IL1R1: variants seen among roughly 807,000 people sequenced by gnomAD.
IL1R1 encodes interleukin-1 receptor type 1.
A neutral mutation model predicts 50.2 loss-of-function variants in IL1R1; 22 were observed. The observed-to-expected ratio is 0.44, with a 90% CI of 0.31 to 0.63. The LOEUF is 0.63. IL1R1 is among the 20% of genes least tolerant of loss of function. IL1R1 has a pLI of 0.07. For missense variants in IL1R1, 509 were observed against 676.2 expected (o/e 0.75, Z 2.74); for synonymous variants, 251 against 236.7 (o/e 1.06, Z -0.55).
Position 102,165,118 on chromosome 2 carries a change from T to A in IL1R1, c.300T>A (p.Asn100Lys). The change falls in exon 5 of 12, where the codon AAT becomes AAA. Residue 100 changes from asparagine to lysine, a missense_variant. By Grantham distance (94) the Asn-to-Lys change is moderately conservative. Transcript: ENST00000410023. The stretch of plus-strand genomic sequence containing the variant: ...TACCTATTTTATTTTATTTTAGAAA[T>A]TCATCTTACTGCCTCAGAATTAAAA... ...DSGHYYCVVR[N>K]SSYCLRIKIS... is the part of the protein sequence containing the mutation. The A allele has an allele frequency of 6.4e-7, 1 of 1,567,804 alleles. No individual in the cohort carries two copies. Among genetic ancestry groups the A allele is most frequent in the African/African-American group, 1.4e-5 (1 of 72,532 alleles).
At position 102,109,200 on chromosome 2, in the gene IL1R1, C is replaced by T. The variant is rs577724071; in HGVS notation, c.-84+4328C>T. On this transcript the variant is annotated intron_variant, in intron 1 of 10. Coordinates refer to the IL1R1 transcript ENST00000409329. ...AGCCTGTGGGTCAGTGAGGGTAGGT[C>T]GGACTGAACTTTGGAGACAATGTCT... is the stretch of plus-strand genomic sequence containing the variant. Among the ~76,000 whole-genome samples the T allele has an allele frequency of 2.1e-3, 319 of 152,120 alleles. 1 individual carries two copies. The highest frequency in any genetic ancestry group is 2.5e-3 in the Non-Finnish European group (171 of 67,994).
At chr2:102,153,511 G>T (rs917978185) in intron 1 of IL1R1, among the ~76,000 whole-genome samples, 9 of 152,038 alleles carry the variant, frequency 5.9e-5, no homozygotes, top group African/African-American at 1.7e-4. Context: ...CCTTGATATG[G>T]TTTGGCTCTG....
In IL1R1 at chr2:102,176,614, G is replaced by A. The variant is rs747505874; in HGVS notation, c.1565G>A (p.Gly522Glu). 2 of 1,614,150 alleles carry A rather than the reference G, an allele frequency of 1.2e-6. No homozygotes were observed. Among genetic ancestry groups the A allele is most frequent in the Non-Finnish European group, 1.7e-6 (2 of 1,180,012 alleles). The change falls in exon 12 of 12, where the codon GGA (glycine) becomes GAA (glutamate). Residue 522 changes from glycine to glutamate, a missense_variant. Coordinates refer to ENST00000410023, the MANE Select transcript of IL1R1 (RefSeq NM_000877.4). ...AIRWSGDFTQ[G>E]PQSAKTRFWK... Reference sequence around the variant, plus strand: ...CGCTGGTCAGGGGACTTTACACAGGGACCACAGTCTGCAAAGACAAGGTTC... The same window carrying A: ...CGCTGGTCAGGGGACTTTACACAGGAACCACAGTCTGCAAAGACAAGGTTC...
At chr2:102,097,532 C>T (rs1375129614) in intron 1 of IL1R1, among the ~76,000 whole-genome samples, 2 of 151,782 alleles carry the variant, frequency 1.3e-5, no homozygotes, top group Non-Finnish European at 2.9e-5. Flanking sequence ...AGAAAAAAGA[C>T]TATAAAATAT....
chr2:102,080,599 A>G (rs1183029843), intron 1 of IL1R1, among the ~76,000 whole-genome samples: 1 of 152,170 alleles, frequency 6.6e-6, no homozygotes, highest in Non-Finnish European at 1.5e-5. Flanking sequence ...AAACTGGTAC[A>G]CTCATTTATT....
chr2:102,168,498 T>A (rs1685391439), intron 6 of IL1R1, 100 bp from the exon 7 acceptor site: 1 of 919,742 alleles, frequency 1.1e-6, no homozygotes, highest in Admixed American at 1.8e-5. Flanking sequence ...TGATGGAATA[T>A]CTGGCCAGAA....
chr2:102,131,711 A>G (rs1303128968), intron 1 of IL1R1, among the ~76,000 whole-genome samples: 1 of 152,112 alleles, frequency 6.6e-6, no homozygotes, highest in Admixed American at 6.5e-5. Flanking sequence ...AAACGGTGGG[A>G]AAATTTCAAG....
chr2:102,148,129 G>T (rs1386194301), intron 1 of IL1R1, among the ~76,000 whole-genome samples: 4 of 152,130 alleles, frequency 2.6e-5, no homozygotes, highest in African/African-American at 9.7e-5. Flanking sequence ...CACACAGTTG[G>T]GTTTTTGGGT....
At chr2:102,154,857 C>T (rs571015464) in intron 2 of IL1R1, among the ~76,000 whole-genome samples, 36 of 152,352 alleles carry the variant, frequency 2.4e-4, no homozygotes, top group Middle Eastern at 3.4e-3. Flanking sequence ...GCCTCCCACT[C>T]GGAACCCACC....
At chr2:102,138,657 G>A (rs559970398), upstream of IL1R1, among the ~76,000 whole-genome samples, 1 of 152,280 alleles carries the variant, frequency 6.6e-6, no homozygotes, top group African/African-American at 2.4e-5. Context: ...AAAGTAAGGC[G>A]AAATGTAGAT....
chr2:102,130,414 A>G (rs971525008), intron 1 of IL1R1, among the ~76,000 whole-genome samples: 3 of 152,234 alleles, frequency 2.0e-5, no homozygotes, highest in Admixed American at 2.0e-4. Context: ...CAACCCTGGA[A>G]ATAGTAGATT....
chr2:102,148,746 T>A (rs926073045), intron 1 of IL1R1, among the ~76,000 whole-genome samples: 1 of 152,216 alleles, frequency 6.6e-6, no homozygotes, highest in African/African-American at 2.4e-5. Flanking sequence ...GTTTTTTCCA[T>A]AAGTGTGTGG....
chr2:102,104,200 G>A (rs950198323), upstream of IL1R1, among the ~76,000 whole-genome samples: 2 of 152,184 alleles, frequency 1.3e-5, no homozygotes, highest in Non-Finnish European at 2.9e-5. Context: ...TGAGAAGTGG[G>A]CCAGCATCTG....
intron 1 of IL1R1, among the ~76,000 whole-genome samples, chr2:102,148,372 T>G (rs1165354262): frequency 2.0e-5 from 3 of 152,184 alleles, no homozygotes; most frequent in African/African-American, 7.2e-5. Flanking sequence ...CTTCCATTTC[T>G]CATCAGAATT....
At chr2:102,119,017 C>CAAAAAAAAA (rs56327525) in intron 1 of IL1R1, among the ~76,000 whole-genome samples, 1 of 74,514 alleles carries the variant, frequency 1.3e-5, no homozygotes, top group Non-Finnish European at 2.4e-5. Context: ...GACTGTGTCT[C>CAAAAAAAAA]AAAAAAAAAA....
At chr2:102,134,261 G>A (rs199764489) in intron 1 of IL1R1, among the ~76,000 whole-genome samples, 15 of 42,090 alleles carry the variant, frequency 3.6e-4, no homozygotes, top group Admixed American at 1.5e-3. Context: ...TGTTCTTGTC[G>A]GTGCACTCAA....
chr2:102,095,043 T>G (rs1340772171), intron 1 of IL1R1, among the ~76,000 whole-genome samples: 2 of 152,154 alleles, frequency 1.3e-5, no homozygotes, highest in African/African-American at 4.8e-5. Flanking sequence ...CTTATACATA[T>G]GACAATACTT....
chr2:102,073,387 A>G lies in IL1R1; in HGVS notation c.-84+2854A>G, dbSNP rs150218691. Among the ~76,000 whole-genome samples the G allele has an allele frequency of 3.1e-3, 466 of 152,312 alleles. 3 individuals are homozygous for G. Among genetic ancestry groups the G allele is most frequent in the African/African-American group, 0.011 (448 of 41,572 alleles). On this transcript the variant is annotated intron_variant, in intron 1 of 11. Coordinates refer to the IL1R1 transcript ENST00000409929. ...CTAGGCAAAGTGCTGACTGTGAAGA[A>G]AAGCTGGGGTGGAAAGAGAGGCCAT...
chr2:102,145,759 T>G (rs1313127366), intron 1 of IL1R1, among the ~76,000 whole-genome samples: 1 of 152,138 alleles, frequency 6.6e-6, no homozygotes, highest in Admixed American at 6.5e-5. Context: ...GCCTGCACCT[T>G]AGCACTGCCT....
Sources: allele counts gnomAD v4.1 joint callset (sites outside exome capture counted in the v4.1 genomes callset), GRCh38; gene constraint gnomAD v4.1.1; transcripts MANE v1.5; gene names NCBI Gene and HGNC (gene_info 2026-07-23, HGNC 2026-07-21).